PRKAR1A: variants seen among roughly 807,000 people sequenced by gnomAD.
PRKAR1A encodes the protein cAMP-dependent protein kinase type I-alpha regulatory subunit.
A neutral mutation model predicts 52.0 loss-of-function variants in PRKAR1A; 3 were observed. The ratio of observed to expected loss-of-function variants is 0.06; its 90% confidence interval spans 0.03 to 0.15. PRKAR1A has a LOEUF of 0.15. Among genes scored for constraint, PRKAR1A ranks in the 10% least tolerant of loss-of-function variants. PRKAR1A has a pLI of 1.00. For synonymous variants in PRKAR1A, 188 were observed against 168.4 expected, an observed-to-expected ratio of 1.12 and a Z score of -0.90; for missense variants, 240 against 477.4, an observed-to-expected ratio of 0.50 and a Z score of 4.63.
At chr17:68,522,299 C>G (rs1252616943) in intron 2 of PRKAR1A, among the ~76,000 whole-genome samples, 1 of 152,170 alleles carries the variant, frequency 6.6e-6, no homozygotes, top group Non-Finnish European at 1.5e-5. Context: ...TCTAGACATT[C>G]TTGGATCACT....
chr17:68,483,121 GT>G, the PRKAR1A span, among the ~76,000 whole-genome samples: 21 of 148,458 alleles, frequency 1.4e-4, 1 homozygote, highest in Admixed American at 6.1e-4. Flanking sequence ...TCTAGTTTGA[GT>G]TTTTTTTTTT....
intron 11 of PRKAR1A, chr17:68,543,546 C>A: frequency 8.2e-7 from 1 of 1,219,186 alleles, no homozygotes; most frequent in South Asian, 1.2e-5. Flanking sequence ...CCAGGGAGTT[C>A]CCACCTTGAG....
the PRKAR1A span, among the ~76,000 whole-genome samples, chr17:68,456,771 C>T: frequency 2.4e-4 from 37 of 152,174 alleles, no homozygotes; most frequent in African/African-American, 8.9e-4. Context: ...CCATCCAGAG[C>T]GGGCAGGCAC....
chr17:68,453,702 C>T, the PRKAR1A span, among the ~76,000 whole-genome samples: 13 of 152,208 alleles, frequency 8.5e-5, no homozygotes, highest in South Asian at 2.5e-3. Flanking sequence ...TGGTCTTGAA[C>T]TCCTGGCCTC....
At chr17:68,440,214 A>G in the PRKAR1A span, among the ~76,000 whole-genome samples, 5 of 152,326 alleles carry the variant, frequency 3.3e-5, no homozygotes, top group East Asian at 1.9e-4. Context: ...TCCTACCCTT[A>G]CAGACTTAAT....
At chr17:68,547,461 A>G (rs548261808) in intron 11 of PRKAR1A, among the ~76,000 whole-genome samples, 61 of 152,316 alleles carry the variant, frequency 4.0e-4, no homozygotes, top group African/African-American at 1.3e-3. Context: ...CTGAAAACCT[A>G]TTGTTAGTGT....
At chr17:68,437,309 C>A in the PRKAR1A span, among the ~76,000 whole-genome samples, 3 of 152,042 alleles carry the variant, frequency 2.0e-5, no homozygotes, top group East Asian at 3.9e-4. Flanking sequence ...GATCCCAGCA[C>A]TTTGGCAGGC....
chr17:68,523,754 C>T lies in PRKAR1A; in HGVS notation c.378C>T (p.Ala126=), dbSNP rs199974368. ...KVIPKDYKTM[A]ALAKAIEKNV... ...TACCAAAAGATTACAAGACAATGGC[C>T]GCTTTAGCCAAAGCCATTGAAAAGA... The change falls in exon 4 of 11, where the codon GCC becomes GCT. Residue 126 remains alanine, a synonymous_variant. Coordinates refer to ENST00000589228, the MANE Select transcript of PRKAR1A (RefSeq NM_002734.5). The T allele has an allele frequency of 1.1e-5, 17 of 1,613,598 alleles. No individual in the cohort carries two copies. Among genetic ancestry groups the T allele is most frequent in the African/African-American group, 1.3e-5 (1 of 75,026 alleles).
intron 9 of PRKAR1A, 90 bp downstream of exon 9, chr17:68,529,081 G>C: frequency 6.7e-7 from 1 of 1,492,192 alleles, no homozygotes; most frequent in Non-Finnish European, 9.3e-7. Flanking sequence ...AAGAGGGAAA[G>C]AGTGGGCTAA....
chr17:68,430,999 C>T, the PRKAR1A span, among the ~76,000 whole-genome samples: 30 of 152,276 alleles, frequency 2.0e-4, 1 homozygote, highest in Middle Eastern at 3.4e-3. Context: ...TTCATGTTCT[C>T]ATCTGAAAGT....
chr17:68,524,610 T>G (rs759053635), intron 5 of PRKAR1A, among the ~76,000 whole-genome samples: 1 of 152,220 alleles, frequency 6.6e-6, no homozygotes, highest in Non-Finnish European at 1.5e-5. Flanking sequence ...AATTTGTTAT[T>G]AACTATTTGA....
Position 68,523,787 on chromosome 17 carries a change from G to A in PRKAR1A, c.411G>A (p.Leu137=), listed in dbSNP as rs1308764120. The A allele has an allele frequency of 6.2e-7, 1 of 1,613,786 alleles. No individual in the cohort carries two copies. Among genetic ancestry groups the A allele is most frequent in the Non-Finnish European group, 8.5e-7 (1 of 1,179,926 alleles). The part of the protein sequence containing the change: ...ALAKAIEKNV[L]FSHLDDNERS... ...CCAAAGCCATTGAAAAGAATGTGCT[G>A]TTTTCACATCTTGATGATAATGAGA... Residue 137 remains leucine (L), a synonymous_variant, in exon 4 of 11, where the codon CTG becomes CTA. Coordinates refer to ENST00000589228, the MANE Select transcript of PRKAR1A (RefSeq NM_002734.5).
At chr17:68,517,771 A>G (rs558074213) in intron 2 of PRKAR1A, among the ~76,000 whole-genome samples, 2 of 152,170 alleles carry the variant, frequency 1.3e-5, no homozygotes, top group African/African-American at 4.8e-5. Flanking sequence ...TGCCTTTCCA[A>G]CAGTCCCTCA....
At chr17:68,476,578 G>A in the PRKAR1A span, among the ~76,000 whole-genome samples, 1 of 151,860 alleles carries the variant, frequency 6.6e-6, no homozygotes, top group African/African-American at 2.4e-5. Context: ...TTGTCTGTCC[G>A]TCTCTCTCAT....
At chr17:68,478,732 TG>T in the PRKAR1A span, among the ~76,000 whole-genome samples, 77,681 of 132,202 alleles carry the variant, frequency 0.59, 21,547 homozygotes, top group African/African-American at 0.7. Context: ...TGGACAGTTT[TG>T]TTTTTTTTTT....
At chr17:68,484,457 T>C in the PRKAR1A span, among the ~76,000 whole-genome samples, 3 of 126,324 alleles carry the variant, frequency 2.4e-5, no homozygotes, top group African/African-American at 8.9e-5. Context: ...TATCGTGGTA[T>C]CTTTTTTTTT....
chr17:68,426,252 G>A, the PRKAR1A span: 2 of 828,066 alleles, frequency 2.4e-6, no homozygotes, highest in Non-Finnish European at 3.8e-6. Flanking sequence ...TGGGGAGCGG[G>A]GGCTCAAATA....
In PRKAR1A at chr17:68,531,991, A is replaced by G. The variant is rs1183525618; in HGVS notation, c.*1542A>G. 9.4e-7 allele frequency: 1 copy of G among 1,065,366 alleles called. No homozygotes were observed. Among genetic ancestry groups the G allele is most frequent in the Non-Finnish European group, 1.1e-6 (1 of 879,134 alleles). The allele number at this position is 1,065,366 out of a possible 1,614,324, so 66.0% of individuals were successfully genotyped here. A position where few individuals can be genotyped will look rare whatever the true frequency, so the allele number is the denominator to read the frequency against. The stretch of plus-strand genomic sequence containing the variant: ...TCCCTTCTCCTGCCCTTTCCCAGGT[A>G]ATTTAAATTGGTCATGGTAGATTTT... On this transcript the variant is annotated 3_prime_UTR_variant, in exon 11 of 11. Coordinates refer to ENST00000589228, the MANE Select transcript of PRKAR1A (RefSeq NM_002734.5).
chr17:68,443,122 G>GT, the PRKAR1A span, among the ~76,000 whole-genome samples: 9 of 151,990 alleles, frequency 5.9e-5, no homozygotes, highest in Non-Finnish European at 1.3e-4. Context: ...TTTATTCATT[G>GT]TTTTTTGAGA....
Sources: gnomAD v4.1 joint callset for allele counts (sites outside exome capture counted in the v4.1 genomes callset) on GRCh38, gnomAD v4.1.1 for gene constraint, MANE v1.5 for transcripts, NCBI Gene and HGNC (gene_info 2026-07-23, HGNC 2026-07-21) for gene names.